DLG5: variants seen among roughly 807,000 people sequenced by gnomAD.
The protein encoded by DLG5 is discs large MAGUK scaffold protein 5, also known as disks large homolog 5.
In DLG5, 48 loss-of-function variants were observed where a neutral mutation model predicts 189.8. The observed-to-expected ratio is 0.25, with a 90% CI of 0.20 to 0.32. The LOEUF is 0.32. Among genes scored for constraint, DLG5 ranks in the 10% least tolerant of loss-of-function variants. The pLI is 1.00. For synonymous variants in DLG5, 1,016 were observed against 1,054.1 expected (o/e 0.96, Z 0.70); for missense variants, 2,160 against 2,544.7 (o/e 0.85, Z 3.25).
At chr10:77,889,930 C>G (rs1323933990) in intron 1 of DLG5, among the ~76,000 whole-genome samples, 1 of 151,976 alleles carries the variant, frequency 6.6e-6, no homozygotes, top group Non-Finnish European at 1.5e-5. Context: ...GTGAGCATCC[C>G]AAAAGTGCAG....
At chr10:77,918,934 G>T (rs572411933) in intron 1 of DLG5, among the ~76,000 whole-genome samples, 1 of 152,102 alleles carries the variant, frequency 6.6e-6, no homozygotes, top group Admixed American at 6.6e-5. Context: ...ATGAGACAAC[G>T]GCCGAGAGTG....
chr10:77,846,552 C>G (rs1316136146), intron 5 of DLG5, among the ~76,000 whole-genome samples: 1 of 151,952 alleles, frequency 6.6e-6, no homozygotes, highest in Non-Finnish European at 1.5e-5. Context: ...CAAAAATTAG[C>G]CGGGTGTGGT....
At chr10:77,870,218 G>C (rs932982882) in intron 1 of DLG5, among the ~76,000 whole-genome samples, 5 of 152,226 alleles carry the variant, frequency 3.3e-5, no homozygotes, top group African/African-American at 9.6e-5. Flanking sequence ...TGTTCTTGGA[G>C]CCAAAAGAAC....
chr10:77,854,483 G>A (rs901336104), intron 3 of DLG5, 113 bp from the exon 4 acceptor site: 45 of 1,355,978 alleles, frequency 3.3e-5, no homozygotes, highest in Non-Finnish European at 4.0e-5. Flanking sequence ...GGTCTTCTAT[G>A]CACCACACAC....
intron 15 of DLG5, chr10:77,820,350 G>GA (rs56722418): frequency 0.42 from 61,169 of 144,014 alleles, 14,083 homozygotes; most frequent in African/African-American, 0.65. Flanking sequence ...CATCTTAGGG[G>GA]AAAAAAAAAA....
intron 1 of DLG5, among the ~76,000 whole-genome samples, chr10:77,917,523 C>CA (rs35757354): frequency 1.2e-3 from 140 of 113,928 alleles, no homozygotes; most frequent in Middle Eastern, 5.0e-3. Flanking sequence ...ACTCCATCTC[C>CA]AAAAAAAAAA....
chr10:77,831,552 A>G (rs980137126), intron 9 of DLG5, among the ~76,000 whole-genome samples: 17 of 152,242 alleles, frequency 1.1e-4, no homozygotes, highest in Non-Finnish European at 1.6e-4. Context: ...TCTCTACCCA[A>G]TTTAAGACTT....
intron 1 of DLG5, among the ~76,000 whole-genome samples, chr10:77,923,007 C>T (rs890209082): frequency 5.9e-5 from 9 of 152,216 alleles, no homozygotes; most frequent in African/African-American, 9.7e-5. Flanking sequence ...AGGCTGCTGC[C>T]GATGCAGACT....
At chr10:77,827,090 T>G (rs1842674812) in intron 13 of DLG5, among the ~76,000 whole-genome samples, 1 of 152,192 alleles carries the variant, frequency 6.6e-6, no homozygotes, top group African/African-American at 2.4e-5. Flanking sequence ...AATAAATTGT[T>G]AACAGTGATT....
At chr10:77,876,594 G>A (rs1267058665) in intron 1 of DLG5, among the ~76,000 whole-genome samples, 13 of 150,382 alleles carry the variant, frequency 8.6e-5, no homozygotes, top group Non-Finnish European at 1.3e-4. Flanking sequence ...GGCCGGTCTC[G>A]AACTCCTGAC....
At chr10:77,885,234 C>T (rs982279063) in intron 1 of DLG5, among the ~76,000 whole-genome samples, 10 of 151,662 alleles carry the variant, frequency 6.6e-5, no homozygotes, top group Non-Finnish European at 1.0e-4. Flanking sequence ...TAGATGCCTA[C>T]GCTCAGAAAA....
At chr10:77,891,146 T>C (rs756606364) in intron 1 of DLG5, among the ~76,000 whole-genome samples, 20 of 152,154 alleles carry the variant, frequency 1.3e-4, no homozygotes, top group Non-Finnish European at 2.8e-4. Context: ...CCTATCTCCC[T>C]ATGCATGCCT....
At chr10:77,917,255 T>C (rs1257868585) in intron 1 of DLG5, among the ~76,000 whole-genome samples, 5 of 151,820 alleles carry the variant, frequency 3.3e-5, no homozygotes, top group African/African-American at 9.7e-5. Flanking sequence ...GGTGGGAGAA[T>C]GGCGTGAACC....
upstream of DLG5, chr10:77,927,042 C>T (rs1456689604): frequency 4.0e-6 from 1 of 248,542 alleles, no homozygotes; most frequent in Non-Finnish European, 8.0e-6. Flanking sequence ...CACCCCGGCC[C>T]GGCTCACCGG....
intron 1 of DLG5, among the ~76,000 whole-genome samples, chr10:77,915,034 T>C (rs1175375065): frequency 2.0e-5 from 3 of 152,006 alleles, no homozygotes; most frequent in Non-Finnish European, 4.4e-5. Context: ...GTATCAGAAT[T>C]TAAAAGACTA....
intron 7 of DLG5, among the ~76,000 whole-genome samples, chr10:77,839,631 CCTT>C (rs1241173695): frequency 6.6e-6 from 1 of 152,210 alleles, no homozygotes; most frequent in East Asian, 1.9e-4. Context: ...TTCCAAGTTT[CCTT>C]CTTCATCATT....
intron 1 of DLG5, among the ~76,000 whole-genome samples, chr10:77,877,776 C>G (rs1010687843): frequency 6.6e-6 from 1 of 152,114 alleles, no homozygotes; most frequent in Non-Finnish European, 1.5e-5. Flanking sequence ...TCGTGCTATG[C>G]CCTGGAAGGT....
intron 30 of DLG5, 86 bp downstream of exon 30, chr10:77,794,763 C>A (rs896426136): frequency 3.0e-6 from 3 of 1,015,602 alleles, no homozygotes; most frequent in Admixed American, 4.1e-5. Flanking sequence ...CTCAACCCCC[C>A]ACCCCAACAC....
At chr10:77,863,893 CA>C (rs1007613234) in intron 2 of DLG5, among the ~76,000 whole-genome samples, 3 of 152,164 alleles carry the variant, frequency 2.0e-5, no homozygotes. Context: ...AAGGAGGCAA[CA>C]GGAAGACACA....
Sources: gnomAD v4.1 joint callset for allele counts (sites outside exome capture counted in the v4.1 genomes callset) on GRCh38, gnomAD v4.1.1 for gene constraint, MANE v1.5 for transcripts, NCBI Gene and HGNC (gene_info 2026-07-23, HGNC 2026-07-21) for gene names.